The following PLCXD3 variants were observed in gnomAD, a reference collection of about 807,000 sequenced individuals.
The protein encoded by PLCXD3 is phosphatidylinositol specific phospholipase C X domain containing 3.
A neutral mutation model predicts 25.5 loss-of-function variants in PLCXD3; 19 were observed. The observed-to-expected ratio is 0.75, with a 90% CI of 0.52 to 1.09. The LOEUF (loss-of-function observed/expected upper bound fraction) is 1.09. Ranked by LOEUF, PLCXD3 falls within the 50% of genes least tolerant of loss-of-function variation. The pLI, the probability that PLCXD3 is intolerant of heterozygous loss-of-function variation, is 0.00. For synonymous variants in PLCXD3, 174 were observed against 137.6 expected (o/e 1.26, Z -1.85); for missense variants, 411 against 388.1 (o/e 1.06, Z -0.50).
chr5:41,401,116 G>GA (rs1191362927), intron 1 of PLCXD3, among the ~76,000 whole-genome samples: 2 of 151,826 alleles, frequency 1.3e-5, no homozygotes, highest in Non-Finnish European at 2.9e-5. Flanking sequence ...ATTTAGTTCT[G>GA]AGAGCTCTTC....
At chr5:41,353,450 A>G (rs1307242383) in intron 2 of PLCXD3, among the ~76,000 whole-genome samples, 1 of 152,122 alleles carries the variant, frequency 6.6e-6, no homozygotes, top group Non-Finnish European at 1.5e-5. Context: ...AAATAAATTC[A>G]TATCAGGAGT....
intron 1 of PLCXD3, among the ~76,000 whole-genome samples, chr5:41,442,961 T>A (rs575954701): frequency 4.6e-5 from 7 of 151,824 alleles, no homozygotes. Flanking sequence ...GTTCTCCTTA[T>A]AATATATGAA....
intron 1 of PLCXD3, among the ~76,000 whole-genome samples, chr5:41,444,211 G>T (rs534615938): frequency 2.6e-5 from 4 of 152,224 alleles, no homozygotes; most frequent in African/African-American, 9.6e-5. Context: ...CTTACCCTGG[G>T]TGTCTCCCAC....
chr5:41,439,620 G>C (rs187234381), intron 1 of PLCXD3, among the ~76,000 whole-genome samples: 5 of 152,230 alleles, frequency 3.3e-5, no homozygotes, highest in Non-Finnish European at 5.9e-5. Flanking sequence ...GGTTCCTGAA[G>C]ACATCATATA....
intron 1 of PLCXD3, among the ~76,000 whole-genome samples, chr5:41,500,469 A>G (rs13190197): frequency 2.0e-5 from 3 of 151,886 alleles, no homozygotes; most frequent in African/African-American, 7.2e-5. Flanking sequence ...ATTAATGGGT[A>G]CAATGTATAT....
chr5:41,424,911 CT>C (rs572091489), intron 1 of PLCXD3, among the ~76,000 whole-genome samples: 4 of 152,094 alleles, frequency 2.6e-5, no homozygotes, highest in Non-Finnish European at 4.4e-5. Context: ...CATACATACC[CT>C]TACTAATTTT....
rs1743150928 is a variant in PLCXD3 at position 41,312,204 on chromosome 5, G to C, written c.*1413C>G. The C allele has an allele frequency of 1.3e-5, 2 of 152,404 alleles. No homozygotes were observed. Among genetic ancestry groups the C allele is most frequent in the Admixed American group, 1.3e-4 (2 of 15,242 alleles). The allele number at this position is 152,404 out of a possible 1,614,324, so 9.4% of individuals were successfully genotyped here. On this transcript the variant is annotated 3_prime_UTR_variant, in exon 3 of 3. Transcript: ENST00000377801. ...TGTAGACCCGGACTATTAAACGTTA[G>C]GTTGCAGAAACTTTGTGTGAAACTT...
chr5:41,451,711 A>G (rs1258812358), intron 1 of PLCXD3, among the ~76,000 whole-genome samples: 2 of 151,248 alleles, frequency 1.3e-5, no homozygotes, highest in Non-Finnish European at 2.9e-5. Flanking sequence ...GAACTCACCT[A>G]CTGAAAGACA....
chr5:41,344,807 A>G (rs1744255056), intron 2 of PLCXD3, among the ~76,000 whole-genome samples: 1 of 152,172 alleles, frequency 6.6e-6, no homozygotes, highest in African/African-American at 2.4e-5. Flanking sequence ...ATAATTAAAA[A>G]TTATATTTAT....
chr5:41,494,271 C>A (rs551963567), intron 1 of PLCXD3, among the ~76,000 whole-genome samples: 3 of 151,960 alleles, frequency 2.0e-5, no homozygotes, highest in Non-Finnish European at 4.4e-5. Context: ...AAATTATGTA[C>A]CTAACTTACA....
At chr5:41,372,541 A>T (rs1745133231) in intron 2 of PLCXD3, among the ~76,000 whole-genome samples, 1 of 152,120 alleles carries the variant, frequency 6.6e-6, no homozygotes. Context: ...TGGGGTCAAA[A>T]GTTGTTAAAA....
chr5:41,336,832 C>T (rs1743996442), intron 2 of PLCXD3, among the ~76,000 whole-genome samples: 1 of 152,170 alleles, frequency 6.6e-6, no homozygotes, highest in South Asian at 2.1e-4. Flanking sequence ...ATTTCTTCCT[C>T]TACATAGTTC....
At chr5:41,359,720 TAG>T (rs1246410348) in intron 2 of PLCXD3, among the ~76,000 whole-genome samples, 2 of 152,182 alleles carry the variant, frequency 1.3e-5, no homozygotes, top group Non-Finnish European at 2.9e-5. Flanking sequence ...CAATTTCATT[TAG>T]TTCTGCTCTG....
rs967315379 is a variant in PLCXD3 at position 41,307,964 on chromosome 5, A to G, written c.*5653T>C. ...TTAATGGGGAAACTTGGACCTCACA[A>G]CAGGCTGGCAAAGGGAAGTGTTGAA... On this transcript the variant is annotated 3_prime_UTR_variant, in exon 3 of 3. Transcript: ENST00000377801. The G allele has an allele frequency of 6.6e-5, 10 of 152,178 alleles. No homozygotes were observed. The highest frequency in any genetic ancestry group is 2.2e-4 in the African/African-American group (9 of 41,452). 9.4% of individuals were successfully genotyped at this position (152,178 alleles called of 1,614,324 possible). A position where few individuals can be genotyped will look rare whatever the true frequency, so the allele number is the denominator to read the frequency against.
At chr5:41,420,158 G>A (rs1018043756) in intron 1 of PLCXD3, among the ~76,000 whole-genome samples, 4 of 152,120 alleles carry the variant, frequency 2.6e-5, no homozygotes, top group African/African-American at 9.7e-5. Context: ...TCATCTATGA[G>A]CTTTTAAATG....
chr5:41,498,592 C>A (rs1748889378), intron 1 of PLCXD3, among the ~76,000 whole-genome samples: 1 of 151,522 alleles, frequency 6.6e-6, no homozygotes, highest in Non-Finnish European at 1.5e-5. Flanking sequence ...GAATTAATGC[C>A]AATTCTTCTC....
In PLCXD3 at chr5:41,452,640, C is replaced by T. The variant is rs192248769; in HGVS notation, c.103+57784G>A. Among the ~76,000 whole-genome samples, 6 of 152,104 alleles carry T rather than the reference C, an allele frequency of 3.9e-5. No homozygotes were observed. The East Asian group carries it at 1.2e-3, about 30-fold the overall frequency. On this transcript the variant is annotated intron_variant, in intron 1 of 2. Transcript: ENST00000377801. The stretch of plus-strand genomic sequence containing the variant: ...CAGGGCTACAATACACTCAAGTTGC[C>T]CCTCTGCACCCATGAGCATTTCTGT...
intron 1 of PLCXD3, among the ~76,000 whole-genome samples, chr5:41,472,330 G>A (rs755267737): frequency 7.2e-5 from 11 of 152,058 alleles, no homozygotes; most frequent in Admixed American, 6.6e-4. Flanking sequence ...CTGGTTTCTG[G>A]ACCATTTGGA....
chr5:41,381,329 A>G (rs1024062919), intron 2 of PLCXD3, among the ~76,000 whole-genome samples: 1 of 152,166 alleles, frequency 6.6e-6, no homozygotes, highest in Non-Finnish European at 1.5e-5. Context: ...AATACACGTT[A>G]AAGTCCTAAC....
Sources: allele counts gnomAD v4.1 joint callset (sites outside exome capture counted in the v4.1 genomes callset), GRCh38; gene constraint gnomAD v4.1.1; transcripts MANE v1.5; gene names NCBI Gene and HGNC (gene_info 2026-07-23, HGNC 2026-07-21).